The following DNAI1 variants were observed in gnomAD, a reference collection of about 807,000 sequenced individuals.
DNAI1 encodes the protein dynein, axonemal, intermediate polypeptide 1.
In DNAI1, 67 loss-of-function variants were observed where a neutral mutation model predicts 92.0. The ratio of observed to expected loss-of-function variants is 0.73; its 90% CI spans 0.60 to 0.89. DNAI1 has a LOEUF of 0.89. Ranked by LOEUF, DNAI1 falls within the 40% of genes least tolerant of loss-of-function variation. The pLI is 0.00. For synonymous variants in DNAI1, 323 were observed against 319.6 expected (o/e 1.01, Z -0.11); for missense variants, 839 against 866.6 (o/e 0.97, Z 0.40).
chr9:34,500,356 A>T (rs1395115120), intron 10 of DNAI1, among the ~76,000 whole-genome samples: 1 of 152,144 alleles, frequency 6.6e-6, no homozygotes, highest in Non-Finnish European at 1.5e-5. Context: ...GAACCCTTGA[A>T]ATTTGGCTCC....
intron 1 of DNAI1, among the ~76,000 whole-genome samples, chr9:34,465,268 T>C (rs1320395150): frequency 6.6e-6 from 1 of 152,026 alleles, no homozygotes; most frequent in African/African-American, 2.4e-5. Context: ...AGAGAGAAGT[T>C]GAAGATAAAG....
intron 13 of DNAI1, 130 bp from the exon 14 acceptor site, chr9:34,511,979 A>T (rs1825073120): frequency 1.3e-6 from 1 of 797,488 alleles, no homozygotes; most frequent in Admixed American, 1.8e-5. Flanking sequence ...CAATCATGGG[A>T]TTCTGGGAAA....
chr9:34,518,113 G>A (rs755626958), intron 19 of DNAI1, among the ~76,000 whole-genome samples: 19 of 152,190 alleles, frequency 1.2e-4, no homozygotes, highest in Non-Finnish European at 2.1e-4. Context: ...TTTGCAGCCC[G>A]GGCCTTGGAA....
chr9:34,487,994 G>T, intron 4 of DNAI1: 1 of 324,464 alleles, frequency 3.1e-6, no homozygotes, highest in Non-Finnish European at 6.2e-6. Context: ...GAAGATCCCA[G>T]TCAACTACTG....
chr9:34,461,161 G>A (rs1381970612), intron 1 of DNAI1, among the ~76,000 whole-genome samples: 1 of 152,006 alleles, frequency 6.6e-6, no homozygotes, highest in African/African-American at 2.4e-5. Flanking sequence ...ATTTTTAGTA[G>A]AGACGGGGTT....
intron 13 of DNAI1, among the ~76,000 whole-genome samples, chr9:34,509,007 C>A (rs1239848682): frequency 6.6e-6 from 1 of 152,222 alleles, no homozygotes; most frequent in Admixed American, 6.5e-5. Context: ...CATTCACTTA[C>A]TCATTCATAC....
intron 19 of DNAI1, 74 bp from the exon 20 acceptor site, chr9:34,520,584 A>C: frequency 7.3e-7 from 1 of 1,363,144 alleles, no homozygotes; most frequent in Non-Finnish European, 1.0e-6. Context: ...CAGGCTGGGC[A>C]GAGGAGGTGG....
chr9:34,513,995 C>T (rs977343648), intron 16 of DNAI1, among the ~76,000 whole-genome samples: 7 of 152,220 alleles, frequency 4.6e-5, no homozygotes, highest in African/African-American at 1.7e-4. Flanking sequence ...GATGTCTGGG[C>T]TGCAGGTGGA....
At chr9:34,514,297 A>G in intron 16 of DNAI1, 97 bp from the exon 17 acceptor site, 1 of 1,507,806 alleles carries the variant, frequency 6.6e-7, no homozygotes, top group South Asian at 1.1e-5. Flanking sequence ...ATGTGGGTTA[A>G]GGACAGGAGT....
At chr9:34,459,403 A>G (rs973979216) in intron 1 of DNAI1, among the ~76,000 whole-genome samples, 5 of 150,486 alleles carry the variant, frequency 3.3e-5, no homozygotes, top group Non-Finnish European at 7.4e-5. Context: ...TTGTTCTCAC[A>G]TTCTTGTCCC....
chr9:34,497,259 G>C (rs934802496), intron 10 of DNAI1, 60 bp downstream of exon 10: 5 of 1,416,494 alleles, frequency 3.5e-6, no homozygotes, highest in Non-Finnish European at 5.0e-6. Flanking sequence ...TCTCATAAAA[G>C]CTTGGGTTAT....
chr9:34,462,920 T>C (rs1389730606), intron 1 of DNAI1, among the ~76,000 whole-genome samples: 8 of 152,234 alleles, frequency 5.3e-5, no homozygotes, highest in Admixed American at 5.2e-4. Flanking sequence ...AAATCCCTGC[T>C]CTCATGGAGC....
At chr9:34,488,950 G>A (rs1000905572) in intron 4 of DNAI1, among the ~76,000 whole-genome samples, 1 of 152,172 alleles carries the variant, frequency 6.6e-6, no homozygotes, top group Admixed American at 6.5e-5. Flanking sequence ...TATGCCAGGT[G>A]TGTTTGATGA....
chr9:34,495,266 A>G (rs530670769), intron 9 of DNAI1, among the ~76,000 whole-genome samples: 1 of 152,272 alleles, frequency 6.6e-6, no homozygotes, highest in Admixed American at 6.5e-5. Context: ...ACAGCCCACA[A>G]CACTCTCCTC....
chr9:34,513,695 G>A (rs1825116577), intron 16 of DNAI1, among the ~76,000 whole-genome samples: 1 of 152,148 alleles, frequency 6.6e-6, no homozygotes, highest in South Asian at 2.1e-4. Flanking sequence ...TAGGCTCAGA[G>A]ACTCAGAATG....
intron 13 of DNAI1, 118 bp from the exon 14 acceptor site, chr9:34,511,991 G>A (rs573500755): frequency 1.9e-5 from 16 of 856,932 alleles, no homozygotes; most frequent in Non-Finnish European, 3.2e-5. Context: ...TCTGGGAAAT[G>A]GGCTCCCAGA....
Position 34,491,838 on chromosome 9 carries a change from G to A in DNAI1, c.681+284G>A, listed in dbSNP as rs565923987. On this transcript the variant is annotated intron_variant, in intron 8 of 19. Coordinates refer to ENST00000242317, the MANE Select transcript of DNAI1 (RefSeq NM_012144.4). ...CTGGATGGAGCTTCTTCCATGACCA[G>A]GGGAGAACATTTGCTTCGATGGACT... Among the ~76,000 whole-genome samples the A allele has an allele frequency of 7.2e-4, 109 of 152,328 alleles. 1 individual carries two copies. Among genetic ancestry groups the A allele is most frequent in the Admixed American group, 2.2e-3 (34 of 15,302 alleles).
In DNAI1 at chr9:34,480,726, C is replaced by T. The variant is rs180845636; in HGVS notation, c.49-2722C>T. On this transcript the variant is annotated intron_variant, in intron 1 of 19. Transcript: ENST00000242317. ...TGGGAGGCTGAAGCGGGTGGATCAC[C>T]TGAGGTCAGGAGTTTGAGACCAGCC... Among the ~76,000 whole-genome samples, 949 of 152,040 alleles carry T rather than the reference C, an allele frequency of 6.2e-3. 4 individuals carry two copies. Among genetic ancestry groups the T allele is most frequent in the Non-Finnish European group, 0.011 (745 of 67,970 alleles).
At chr9:34,486,154 G>A (rs1216782395) in intron 4 of DNAI1, among the ~76,000 whole-genome samples, 1 of 152,164 alleles carries the variant, frequency 6.6e-6, no homozygotes, top group East Asian at 1.9e-4. Flanking sequence ...GAGAATTTCC[G>A]AGTACATTTG....
Sources: gnomAD v4.1 joint callset for allele counts (sites outside exome capture counted in the v4.1 genomes callset) on GRCh38, gnomAD v4.1.1 for gene constraint, MANE v1.5 for transcripts, NCBI Gene and HGNC (gene_info 2026-07-23, HGNC 2026-07-21) for gene names.